AHCTF1: variants seen among roughly 807,000 people sequenced by gnomAD.
The protein encoded by AHCTF1 is protein ELYS.
In AHCTF1, 24 loss-of-function variants were observed where a neutral mutation model predicts 248.4. The ratio of observed to expected loss-of-function variants is 0.10; its 90% confidence interval spans 0.07 to 0.14. The LOEUF is 0.14. Ranked by LOEUF, AHCTF1 falls within the 10% of genes least tolerant of loss-of-function variation. The pLI is 1.00. For synonymous variants in AHCTF1, 786 were observed against 929.8 expected, an observed-to-expected ratio of 0.85 and a Z score of 2.81; for missense variants, 2,206 against 2,636.2, an observed-to-expected ratio of 0.84 and a Z score of 3.57.
rs747960854 is a variant in AHCTF1 at position 246,861,041 on chromosome 1, A to G, written c.3990T>C (p.Leu1330=). The change falls in exon 29 of 36, where the codon CTT becomes CTC. Residue 1330 remains leucine (L), a synonymous_variant. Coordinates refer to ENST00000648844, the MANE Select transcript of AHCTF1 (RefSeq NM_001323342.2). The part of the protein sequence containing the change: ...EYQDAPSPED[L]EETVFTASKP... ...TAGAGGCCGTGAAAACAGTCTCTTC[A>G]AGGTCTTCCGGTGACGGTGCATCCT... The G allele has an allele frequency of 6.2e-7, 1 of 1,614,002 alleles. No individual in the cohort carries two copies. Among genetic ancestry groups the G allele is most frequent in the Non-Finnish European group, 8.5e-7 (1 of 1,179,896 alleles).
chr1:246,847,289 C>CAAA (rs573947202), intron 33 of AHCTF1, among the ~76,000 whole-genome samples: 1 of 98,762 alleles, frequency 1.0e-5, no homozygotes, highest in Non-Finnish European at 1.9e-5. Context: ...AACTCCATCT[C>CAAA]AAAAAAAAAA....
intron 4 of AHCTF1, among the ~76,000 whole-genome samples, chr1:246,911,107 G>A (rs1665767207): frequency 6.6e-6 from 1 of 152,284 alleles, no homozygotes; most frequent in African/African-American, 2.4e-5. Context: ...AAATGGTTCT[G>A]ATCACAATCC....
At chr1:246,876,274 G>A in intron 23 of AHCTF1, 87 bp from the exon 24 acceptor site, 3 of 1,197,314 alleles carry the variant, frequency 2.5e-6, no homozygotes, top group South Asian at 2.5e-5. Flanking sequence ...ATAAAACTAT[G>A]AATATCCAAA....
Position 246,844,463 on chromosome 1 carries a change from G to T in AHCTF1, c.6392-535C>A, listed in dbSNP as rs769620370. ...GTGCCAGGTGCAGTGGCTCACAATT[G>T]TAATTCCAGCACTTTGGGAGGCTGA... On this transcript the variant is annotated intron_variant, in intron 33 of 35. Transcript: ENST00000648844. Among the ~76,000 whole-genome samples, 9 of 152,324 alleles carry T rather than the reference G, an allele frequency of 5.9e-5. No homozygotes were observed. In the East Asian group the frequency reaches 1.3e-3, roughly 23 times the overall value.
Position 246,905,423 on chromosome 1 carries a change from G to T in AHCTF1, c.881+118C>A. 7 of 707,920 alleles carry T rather than the reference G, an allele frequency of 9.9e-6. No individual in the cohort carries two copies. In the South Asian group the frequency reaches 1.2e-4, roughly 12 times the overall value. The allele number at this position is 707,920 out of a possible 1,614,324, so 43.9% of individuals were successfully genotyped here. A position where few individuals can be genotyped will look rare whatever the true frequency, so the allele number is the denominator to read the frequency against. ...TGAGCGAGAGAATGGCATGAATCCG[G>T]GAGGCGGAGGTTGCAGTGAGCCGAA... On this transcript the variant is annotated intron_variant, in intron 6 of 35. Coordinates refer to ENST00000648844, the MANE Select transcript of AHCTF1 (RefSeq NM_001323342.2).
At position 246,915,187 on chromosome 1, in the gene AHCTF1, G is replaced by C. The variant is rs145146408; in HGVS notation, c.375+955C>G. 5.1e-3 allele frequency among the ~76,000 whole-genome samples: 772 copies of C among 152,210 alleles called. 4 individuals carry two copies. Among genetic ancestry groups the C allele is most frequent in the African/African-American group, 0.017 (689 of 41,542 alleles). ...TCTACTAAAAATACAAAAATTAGCT[G>C]GGCGTGGTGGTGCACGCCTGTAGTC... On this transcript the variant is annotated intron_variant, in intron 3 of 35. Transcript: ENST00000648844.
chr1:246,930,051 C>CA (rs201449234), intron 1 of AHCTF1, among the ~76,000 whole-genome samples: 4,148 of 113,846 alleles, frequency 0.036, 185 homozygotes, highest in African/African-American at 0.1. Flanking sequence ...GACCCCGTCT[C>CA]AAAAAAAAAA....
chr1:246,845,130 C>T (rs1040932320), intron 33 of AHCTF1, among the ~76,000 whole-genome samples: 11 of 152,156 alleles, frequency 7.2e-5, no homozygotes, highest in African/African-American at 2.7e-4. Context: ...AATCACAGTT[C>T]ATGTTACTTC....
Position 246,902,544 on chromosome 1 carries a change from C to T in AHCTF1, c.1098G>A (p.Arg366=), listed in dbSNP as rs185927135. 2.5e-6 allele frequency: 4 copies of T among 1,610,510 alleles called. No individual in the cohort carries two copies. Among genetic ancestry groups the T allele is most frequent in the Admixed American group, 3.3e-5 (2 of 59,774 alleles). The change falls in exon 8 of 36, where the codon AGG becomes AGA. Residue 366 remains arginine, a synonymous_variant. Transcript: ENST00000648844. ...SIEKFRSHGD[R]EEGVNEALSP... is the part of the protein sequence containing the mutation. Reference sequence around the variant, plus strand: ...ACTAACCTTCATTCACGCCTTCCTCCCTGTCACCATGAGATCGAAATTTCT... The same window carrying T: ...ACTAACCTTCATTCACGCCTTCCTCTCTGTCACCATGAGATCGAAATTTCT...
intron 2 of AHCTF1, 40 bp downstream of exon 2, chr1:246,918,210 A>G: frequency 6.4e-7 from 1 of 1,554,054 alleles, no homozygotes; most frequent in South Asian, 1.3e-5. Flanking sequence ...TATCTTACAA[A>G]TCAATTGTAT....
chr1:246,920,142 C>CAAAAAAAAAA (rs68194249), intron 1 of AHCTF1, among the ~76,000 whole-genome samples: 4 of 40,784 alleles, frequency 9.8e-5, no homozygotes, highest in African/African-American at 2.6e-4. Flanking sequence ...CTGTCCCCCG[C>CAAAAAAAAAA]AAAAAAAAAA....
intron 29 of AHCTF1, among the ~76,000 whole-genome samples, chr1:246,860,200 G>A (rs949339992): frequency 2.7e-5 from 4 of 149,272 alleles, no homozygotes; most frequent in South Asian, 2.2e-4. Flanking sequence ...GGGGGGGGGC[G>A]GAGGTTGCAG....
chr1:246,867,150 TTAAA>T (rs140125283), intron 26 of AHCTF1, 90 bp downstream of exon 26: 19,269 of 665,886 alleles, frequency 0.029, 357 homozygotes, highest in East Asian at 0.063. Flanking sequence ...ATTTAATAAT[TTAAA>T]AGTCTATAAA....
At chr1:246,922,180 T>C (rs1245156223) in intron 1 of AHCTF1, among the ~76,000 whole-genome samples, 3 of 152,078 alleles carry the variant, frequency 2.0e-5, no homozygotes, top group Non-Finnish European at 2.9e-5. Flanking sequence ...ACCAGTATGG[T>C]GAAACCCCAT....
chr1:246,874,631 C>A (rs949718032), intron 24 of AHCTF1, among the ~76,000 whole-genome samples: 1 of 152,098 alleles, frequency 6.6e-6, no homozygotes, highest in African/African-American at 2.4e-5. Context: ...CTTATCCCTA[C>A]GTCTTGAACC....
In AHCTF1 at chr1:246,850,371, C is replaced by A. The variant is rs752039964; in HGVS notation, c.5635G>T (p.Val1879Leu). Residue 1879 changes from valine (V) to leucine (L), a missense_variant, in exon 33 of 36, where the codon GTA (valine) becomes TTA (leucine). Physicochemically the swap from Val to Leu is conservative, Grantham distance 32 (BLOSUM62 1). This residue lies in a region of AHCTF1 where 469 missense variants were observed against 470.0 expected (regional missense o/e 1.00). Coordinates refer to ENST00000648844, the MANE Select transcript of AHCTF1 (RefSeq NM_001323342.2). ...KRTPRRIKRS[V>L]ENQESVEIIN... ...ATTTCAACACTTTCCTGATTTTCTA[C>A]AGATCTTTTAATTCTTCTAGGAGTC... The A allele has an allele frequency of 6.2e-7, 1 of 1,612,238 alleles. No homozygotes were observed. The highest frequency in any genetic ancestry group is 1.3e-5 in the African/African-American group (1 of 74,670).
intron 24 of AHCTF1, among the ~76,000 whole-genome samples, chr1:246,872,545 T>C (rs1462791506): frequency 5.3e-5 from 8 of 152,098 alleles, no homozygotes; most frequent in Non-Finnish European, 7.4e-5. Context: ...ACTTAGGGGG[T>C]GTCCTCTGCC....
intron 24 of AHCTF1, among the ~76,000 whole-genome samples, chr1:246,869,111 T>TG (rs200042860): frequency 0.039 from 5,931 of 151,540 alleles, 207 homozygotes; most frequent in African/African-American, 0.088. Context: ...CCCAAAGTGC[T>TG]GGATTACAGG....
chr1:246,868,092 A>G (rs1462524371), intron 24 of AHCTF1, among the ~76,000 whole-genome samples: 4 of 150,992 alleles, frequency 2.6e-5, no homozygotes, highest in Non-Finnish European at 2.9e-5. Context: ...CCTCCCAAGT[A>G]GATGGGATTA....
Sources: allele counts gnomAD v4.1 joint callset (sites outside exome capture counted in the v4.1 genomes callset), GRCh38; gene constraint gnomAD v4.1.1; regional missense constraint gnomAD v4.1.1; transcripts MANE v1.5; gene names NCBI Gene and HGNC (gene_info 2026-07-23, HGNC 2026-07-21).